NXPH1: variants seen among roughly 807,000 people sequenced by gnomAD.
NXPH1 encodes the protein neurexophilin 1.
In NXPH1, 5 loss-of-function variants were observed where a neutral mutation model predicts 23.7. The observed-to-expected ratio is 0.21, with a 90% CI of 0.11 to 0.44. The LOEUF (loss-of-function observed/expected upper bound fraction) is 0.44, where lower values mean the gene tolerates loss of function less well. Ranked by LOEUF, NXPH1 falls within the 20% of genes least tolerant of loss-of-function variation. The pLI is 0.99. For synonymous variants in NXPH1, 144 were observed against 122.2 expected (o/e 1.18, Z -1.18); for missense variants, 324 against 321.6 (o/e 1.01, Z -0.06).
intron 2 of NXPH1, among the ~76,000 whole-genome samples, chr7:8,438,948 G>A (rs992722609): frequency 5.3e-5 from 8 of 152,120 alleles, no homozygotes; most frequent in Non-Finnish European, 1.0e-4. Flanking sequence ...ATGTTAGCTG[G>A]AATACTCAAA....
intron 2 of NXPH1, among the ~76,000 whole-genome samples, chr7:8,441,847 G>A (rs1816306996): frequency 6.6e-6 from 1 of 151,522 alleles, no homozygotes; most frequent in East Asian, 2.0e-4. Context: ...TTTCTGCTAC[G>A]GGATGAAAAC....
intron 2 of NXPH1, among the ~76,000 whole-genome samples, chr7:8,611,378 G>A (rs1369752939): frequency 6.6e-6 from 1 of 152,048 alleles, no homozygotes. Context: ...AAATACTTGC[G>A]TTACATGGTC....
intron 2 of NXPH1, among the ~76,000 whole-genome samples, chr7:8,457,982 A>G (rs772243257): frequency 2.4e-4 from 36 of 152,354 alleles, no homozygotes; most frequent in African/African-American, 8.2e-4. Context: ...TCCCAAAGCA[A>G]TTCTTAATAA....
At chr7:8,678,075 T>A (rs1016423699) in intron 2 of NXPH1, among the ~76,000 whole-genome samples, 3 of 152,196 alleles carry the variant, frequency 2.0e-5, no homozygotes, top group African/African-American at 7.2e-5. Flanking sequence ...TTGATGGAGT[T>A]AGAGGATACT....
chr7:8,751,541 T>C lies in NXPH1; in HGVS notation c.588T>C (p.Ile196=), dbSNP rs1376912495. The C allele has an allele frequency of 6.2e-7, 1 of 1,613,478 alleles. No homozygotes were observed. Among genetic ancestry groups the C allele is most frequent in the Non-Finnish European group, 8.5e-7 (1 of 1,179,706 alleles). ...AKDSKSFNCR[I]EYEKVDKATK... ...ATTCCAAGTCTTTTAATTGTCGCATTGAATATGAAAAGGTTGACAAGGCTA... is the reference window on the plus strand; with the variant it reads ...ATTCCAAGTCTTTTAATTGTCGCATCGAATATGAAAAGGTTGACAAGGCTA... Residue 196 remains isoleucine (I), a synonymous_variant, in exon 3 of 3, where the codon ATT becomes ATC. Transcript: ENST00000405863. This position sits in a 1 kb window ranked among gnomAD's most constrained non-coding sequence, Gnocchi z 4.5.
chr7:8,629,951 G>C (rs1820090956), intron 2 of NXPH1, among the ~76,000 whole-genome samples: 1 of 152,058 alleles, frequency 6.6e-6, no homozygotes, highest in Non-Finnish European at 1.5e-5. Flanking sequence ...CTTATATATA[G>C]CTTTAAGTTC....
intron 2 of NXPH1, among the ~76,000 whole-genome samples, chr7:8,597,613 A>C (rs940430070): frequency 2.7e-5 from 4 of 150,268 alleles, no homozygotes; most frequent in Non-Finnish European, 4.4e-5. Context: ...TTGCTCATTC[A>C]GTCATCAGAG....
chr7:8,604,770 C>A (rs569361767), intron 2 of NXPH1, among the ~76,000 whole-genome samples: 7 of 152,014 alleles, frequency 4.6e-5, no homozygotes, highest in Non-Finnish European at 1.0e-4. Flanking sequence ...TAAACAAATA[C>A]CAGTTTTGAG....
chr7:8,578,343 C>T (rs2128623228), intron 2 of NXPH1, among the ~76,000 whole-genome samples: 1 of 152,192 alleles, frequency 6.6e-6, no homozygotes. Flanking sequence ...TTGAAAAATC[C>T]TAAATCAAAT....
rs149767202 is a variant in NXPH1, at chr7:8,460,457, G to A, written c.54+24690G>A. 8.9e-4 allele frequency among the ~76,000 whole-genome samples: 136 copies of A among 152,284 alleles called. 3 individuals carry two copies. In the East Asian group the frequency reaches 0.023, roughly 26 times the overall value. On this transcript the variant is annotated intron_variant, in intron 2 of 2. Transcript: ENST00000405863. ...GTAGAGTACAAATTCAGGGGTTTGA[G>A]CCTTGATAGCAAACTTGACTCCTCT... is the stretch of plus-strand genomic sequence containing the variant.
intron 2 of NXPH1, among the ~76,000 whole-genome samples, chr7:8,717,047 A>T (rs551675524): frequency 6.6e-6 from 1 of 152,210 alleles, no homozygotes; most frequent in Non-Finnish European, 1.5e-5. Flanking sequence ...AATAACATGC[A>T]AGTTACTGGG....
At chr7:8,481,018 A>G (rs1234593603) in intron 2 of NXPH1, among the ~76,000 whole-genome samples, 1 of 152,226 alleles carries the variant, frequency 6.6e-6, no homozygotes, top group African/African-American at 2.4e-5. Context: ...TCATTTGTAC[A>G]TCGGTGCTCA....
intron 2 of NXPH1, among the ~76,000 whole-genome samples, chr7:8,598,163 A>C (rs75008603): frequency 6.6e-6 from 1 of 152,248 alleles, no homozygotes; most frequent in African/African-American, 2.4e-5. Context: ...ATTGAGGTCA[A>C]TTATGAGCTG....
At chr7:8,681,463 A>G (rs916246215) in intron 2 of NXPH1, among the ~76,000 whole-genome samples, 3 of 152,156 alleles carry the variant, frequency 2.0e-5, no homozygotes, top group Admixed American at 6.5e-5. Context: ...TATATAGTTC[A>G]ATGAAGCTAC....
At position 8,748,602 on chromosome 7, in the gene NXPH1, C is replaced by G. The variant is rs186220730; in HGVS notation, c.55-2406C>G. On this transcript the variant is annotated intron_variant, in intron 2 of 2. Transcript: ENST00000405863. ...TCAGTGTTATCTATTCTTCCTTCAT[C>G]TCTGCACACAATGGCCCTCTGCATC... 7.7e-4 allele frequency among the ~76,000 whole-genome samples: 118 copies of G among 152,308 alleles called. 1 individual carries two copies. Among genetic ancestry groups the G allele is most frequent in the Non-Finnish European group, 1.6e-3 (107 of 68,032 alleles).
intron 2 of NXPH1, among the ~76,000 whole-genome samples, chr7:8,728,210 G>T (rs1246678346): frequency 6.6e-6 from 1 of 152,190 alleles, no homozygotes; most frequent in Admixed American, 6.5e-5. Context: ...CTTTGCTGAA[G>T]TTGCTTATCA....
chr7:8,571,335 T>C (rs1440037403), intron 2 of NXPH1, among the ~76,000 whole-genome samples: 1 of 151,724 alleles, frequency 6.6e-6, no homozygotes, highest in Non-Finnish European at 1.5e-5. Flanking sequence ...TAGTGGGTAG[T>C]AAAGAGGATG....
At chr7:8,536,970 G>A (rs1303607945) in intron 2 of NXPH1, among the ~76,000 whole-genome samples, 2 of 152,044 alleles carry the variant, frequency 1.3e-5, no homozygotes, top group East Asian at 3.9e-4. Context: ...ATTATGAATA[G>A]TTTTAAGTTT....
At chr7:8,516,086 CTGCT>C in intron 2 of NXPH1, among the ~76,000 whole-genome samples, 1 of 152,222 alleles carries the variant, frequency 6.6e-6, no homozygotes, top group East Asian at 1.9e-4. Context: ...TATTCAAATC[CTGCT>C]TGCTTAAGTC....
Sources: gnomAD v4.1 joint callset for allele counts (sites outside exome capture counted in the v4.1 genomes callset) on GRCh38, gnomAD v4.1.1 for gene constraint, Gnocchi (gnomAD v3.1) non-coding constraint, MANE v1.5 for transcripts, NCBI Gene and HGNC (gene_info 2026-07-23, HGNC 2026-07-21) for gene names.